PLSCR4: variants seen among roughly 807,000 people sequenced by gnomAD.
The protein encoded by PLSCR4 is Ca(2+)-dependent phospholipid scramblase 4.
A neutral mutation model predicts 36.3 loss-of-function variants in PLSCR4; 25 were observed. The observed-to-expected ratio is 0.69, with a 90% CI of 0.50 to 0.96. PLSCR4 has a LOEUF of 0.96. PLSCR4 is among the 40% of genes least tolerant of loss of function. PLSCR4 has a pLI of 0.00. For synonymous variants in PLSCR4, 122 were observed against 132.9 expected (o/e 0.92, Z 0.56); for missense variants, 408 against 414.7 (o/e 0.98, Z 0.14).
intron 3 of PLSCR4, among the ~76,000 whole-genome samples, chr3:146,220,433 G>C (rs2035080681): frequency 6.6e-6 from 1 of 152,120 alleles, no homozygotes; most frequent in Non-Finnish European, 1.5e-5. Flanking sequence ...TTTCTGCTAA[G>C]GATAGTCCTT....
chr3:146,212,577 G>A (rs1334322266), intron 3 of PLSCR4, among the ~76,000 whole-genome samples: 2 of 151,542 alleles, frequency 1.3e-5, no homozygotes, highest in Non-Finnish European at 2.9e-5. Context: ...TAGCCTCCAG[G>A]TAACTGGGAC....
At chr3:146,226,195 T>C (rs1028607313) in intron 1 of PLSCR4, among the ~76,000 whole-genome samples, 1 of 152,208 alleles carries the variant, frequency 6.6e-6, no homozygotes, top group African/African-American at 2.4e-5. Context: ...TAAAATTCTA[T>C]TAGGGTGATA....
chr3:146,198,998 G>T (rs917705345), intron 6 of PLSCR4, among the ~76,000 whole-genome samples: 1 of 152,050 alleles, frequency 6.6e-6, no homozygotes, highest in East Asian at 1.9e-4. Context: ...CATCCTATCC[G>T]ATAGGTACTA....
chr3:146,212,437 GTTTT>G (rs56774201), intron 3 of PLSCR4, among the ~76,000 whole-genome samples: 45 of 143,632 alleles, frequency 3.1e-4, no homozygotes, highest in Middle Eastern at 3.7e-3. Flanking sequence ...TTTTTGTTTT[GTTTT>G]TTTTTGTTTT....
Position 146,192,813 on chromosome 3 carries a change from C to T in PLSCR4, c.*1598G>A. ...ATATTTTAGAAAGCAGCAACTTTTA[C>T]TTTTTTTAAAAAAAAAAGCTAGTAG... On this transcript the variant is annotated 3_prime_UTR_variant, in exon 9 of 9. Transcript: ENST00000354952. 1 of 151,098 alleles carries T rather than the reference C, an allele frequency of 6.6e-6. No individual in the cohort carries two copies. The highest frequency in any genetic ancestry group is 2.1e-4 in the South Asian group (1 of 4,792). 9.4% of individuals were successfully genotyped at this position (151,098 alleles called of 1,614,324 possible).
rs1389273438 is a variant in PLSCR4 at position 146,194,087 on chromosome 3, C to T, written c.*324G>A. The T allele has an allele frequency of 4.6e-6, 1 of 218,156 alleles. No individual in the cohort carries two copies. Among genetic ancestry groups the T allele is most frequent in the Non-Finnish European group, 8.9e-6 (1 of 111,806 alleles). The allele number at this position is 218,156 out of a possible 1,614,324, so 13.5% of individuals were successfully genotyped here. ...TGCTCTAAAAAGCCTTATTGTTTCA[C>T]TACCTATTAATATGAGAACTCTGGA... On this transcript the variant is annotated 3_prime_UTR_variant, in exon 9 of 9. Transcript: ENST00000354952.
chr3:146,199,462 A>G (rs576323460), intron 6 of PLSCR4, among the ~76,000 whole-genome samples: 1 of 151,780 alleles, frequency 6.6e-6, no homozygotes, highest in East Asian at 1.9e-4. Flanking sequence ...CTAAAAGCAT[A>G]TGTTTATCTT....
At chr3:146,223,406 T>C (rs1000685599) in intron 1 of PLSCR4, among the ~76,000 whole-genome samples, 26 of 132,666 alleles carry the variant, frequency 2.0e-4, no homozygotes, top group Non-Finnish European at 3.3e-4. Flanking sequence ...TTTTCACATA[T>C]CTCTGATTAT....
At chr3:146,244,204 C>T (rs78305433) in intron 1 of PLSCR4, among the ~76,000 whole-genome samples, 2,564 of 152,164 alleles carry the variant, frequency 0.017, 77 homozygotes, top group African/African-American at 0.058. Context: ...GATGGTTCAA[C>T]GTACGTAAAC....
intron 1 of PLSCR4, among the ~76,000 whole-genome samples, chr3:146,239,027 G>T (rs763422088): frequency 6.6e-6 from 1 of 151,862 alleles, no homozygotes; most frequent in African/African-American, 2.4e-5. Flanking sequence ...AAAACACCTA[G>T]AAATAAATTT....
chr3:146,229,929 T>G (rs1038968463), intron 1 of PLSCR4, among the ~76,000 whole-genome samples: 9 of 152,194 alleles, frequency 5.9e-5, no homozygotes, highest in Admixed American at 5.9e-4. Context: ...TAGCCAATTT[T>G]TATCCTTTAT....
chr3:146,202,193 C>A (rs932042027), intron 4 of PLSCR4, among the ~76,000 whole-genome samples: 1 of 151,824 alleles, frequency 6.6e-6, no homozygotes, highest in African/African-American at 2.4e-5. Flanking sequence ...AAAGTGACTA[C>A]TAAAATGGTT....
intron 3 of PLSCR4, among the ~76,000 whole-genome samples, chr3:146,214,788 C>T (rs1470934196): frequency 1.3e-5 from 2 of 151,986 alleles, no homozygotes; most frequent in African/African-American, 4.8e-5. Flanking sequence ...GTCTGTTGTG[C>T]CCAGTTTGGT....
At chr3:146,225,225 A>G (rs930707633) in intron 1 of PLSCR4, among the ~76,000 whole-genome samples, 1 of 152,206 alleles carries the variant, frequency 6.6e-6, no homozygotes, top group African/African-American at 2.4e-5. Context: ...AGGCCCCACC[A>G]GAGCAGCTAG....
In PLSCR4 at chr3:146,227,514, C is replaced by A. The variant is rs576232573; in HGVS notation, c.-21-5422G>T. Among the ~76,000 whole-genome samples, 57 of 152,320 alleles carry A rather than the reference C, an allele frequency of 3.7e-4. 5 individuals are homozygous for A. The South Asian group carries it at 8.9e-3, about 24-fold the overall frequency. On this transcript the variant is annotated intron_variant, in intron 1 of 8. Coordinates refer to ENST00000354952, the MANE Select transcript of PLSCR4 (RefSeq NM_020353.3). ...TTATATGCAAGCTTTTCAATTTCACCACTGTAAACAGTGACAAACTCTCAG... is the reference window on the plus strand; with the variant it reads ...TTATATGCAAGCTTTTCAATTTCACAACTGTAAACAGTGACAAACTCTCAG...
intron 1 of PLSCR4, among the ~76,000 whole-genome samples, chr3:146,226,968 CTA>C (rs562705690): frequency 1.5e-4 from 19 of 129,694 alleles, no homozygotes; most frequent in African/African-American, 5.1e-4. Flanking sequence ...TCTCACCACC[CTA>C]TATTCTATTC....
intron 3 of PLSCR4, among the ~76,000 whole-genome samples, chr3:146,218,899 TAAAC>T (rs2035012231): frequency 6.6e-6 from 1 of 152,218 alleles, no homozygotes; most frequent in South Asian, 2.1e-4. Context: ...TTTATTCTCT[TAAAC>T]AAGAATAGTG....
chr3:146,213,232 C>T (rs1332734683), intron 3 of PLSCR4, among the ~76,000 whole-genome samples: 1 of 151,894 alleles, frequency 6.6e-6, no homozygotes, highest in Non-Finnish European at 1.5e-5. Flanking sequence ...GTAATACTGG[C>T]CTCTAGAATT....
chr3:146,228,662 T>A (rs2035577241), intron 1 of PLSCR4, among the ~76,000 whole-genome samples: 1 of 152,164 alleles, frequency 6.6e-6, no homozygotes, highest in African/African-American at 2.4e-5. Flanking sequence ...AAATTAAGAT[T>A]ATATTAATGA....
Sources: allele counts gnomAD v4.1 joint callset (sites outside exome capture counted in the v4.1 genomes callset), GRCh38; gene constraint gnomAD v4.1.1; transcripts MANE v1.5; gene names NCBI Gene and HGNC (gene_info 2026-07-23, HGNC 2026-07-21).